UGGT2: variants seen among roughly 807,000 people sequenced by gnomAD.
UGGT2 encodes UDP-glucose:glycoprotein glucosyltransferase 2.
In UGGT2, 180 loss-of-function variants were observed where a neutral mutation model predicts 192.1. The ratio of observed to expected loss-of-function variants is 0.94; its 90% CI spans 0.83 to 1.06. UGGT2 has a LOEUF of 1.06. UGGT2 is among the 50% of genes least tolerant of loss of function. The pLI is 0.00. For missense variants in UGGT2, 1,849 were observed against 1,795.7 expected (o/e 1.03, Z -0.54); for synonymous variants, 580 against 591.0 (o/e 0.98, Z 0.27).
Position 95,900,836 on chromosome 13 carries a change from C to T in UGGT2, c.2605G>A (p.Gly869Arg), listed in dbSNP as rs1017556601. 11 of 1,611,336 alleles carry T rather than the reference C, an allele frequency of 6.8e-6. No individual in the cohort carries two copies. Among genetic ancestry groups the T allele is most frequent in the South Asian group, 1.1e-5 (1 of 90,746 alleles). The change falls in exon 22 of 39, where the codon GGA becomes AGA. Residue 869 changes from glycine to arginine, a missense_variant. Gly to Arg is a moderately radical substitution (Grantham distance 125). Transcript: ENST00000376747. ...CCATTGCTGACAATACCCATTTCTC[C>T]AGGACGTAATTTAAGTACATCTTGA... Reference protein sequence around the residue: ...FCQDVLKLRPGEMGIVSNGRF... With the variant: ...FCQDVLKLRPREMGIVSNGRF...
intron 20 of UGGT2, among the ~76,000 whole-genome samples, chr13:95,909,795 C>G (rs1375392148): frequency 1.9e-5 from 2 of 104,140 alleles, no homozygotes; most frequent in African/African-American, 7.3e-5. Context: ...AGATTCCTGC[C>G]CACTAAAAAA....
chr13:95,890,737 AAT>A, intron 25 of UGGT2, 123 bp downstream of exon 25: 2 of 743,792 alleles, frequency 2.7e-6, no homozygotes, highest in South Asian at 1.7e-5. Context: ...TCTACATTGA[AAT>A]ATGACACTCT....
intron 4 of UGGT2, among the ~76,000 whole-genome samples, chr13:96,022,749 TA>T (rs2052552498): frequency 6.6e-6 from 1 of 151,966 alleles, no homozygotes; most frequent in African/African-American, 2.4e-5. Flanking sequence ...AGTTTATATT[TA>T]AAGAGCTATA....
At chr13:95,982,647 AAGAG>A (rs905286887) in intron 10 of UGGT2, among the ~76,000 whole-genome samples, 29 of 151,720 alleles carry the variant, frequency 1.9e-4, no homozygotes, top group African/African-American at 6.1e-4. Context: ...TCTCTCTCAT[AAGAG>A]AGAGAGAGCT....
chr13:95,951,268 G>C (rs1297966094), intron 12 of UGGT2, among the ~76,000 whole-genome samples: 1 of 152,128 alleles, frequency 6.6e-6, no homozygotes, highest in Non-Finnish European at 1.5e-5. Context: ...GAATTCAAAA[G>C]TATAATAATT....
chr13:95,866,925 T>G (rs1890718611), intron 30 of UGGT2, among the ~76,000 whole-genome samples: 1 of 152,084 alleles, frequency 6.6e-6, no homozygotes, highest in Non-Finnish European at 1.5e-5. Flanking sequence ...TATCTAATAT[T>G]TTCACTAGTT....
At chr13:95,919,332 A>G (rs1355485765) in intron 20 of UGGT2, among the ~76,000 whole-genome samples, 1 of 152,054 alleles carries the variant, frequency 6.6e-6, no homozygotes, top group Non-Finnish European at 1.5e-5. Flanking sequence ...CTCTCTCACC[A>G]CTCCTATTCA....
At chr13:95,812,166 G>C (rs533418306) in intron 38 of UGGT2, among the ~76,000 whole-genome samples, 4 of 152,160 alleles carry the variant, frequency 2.6e-5, no homozygotes, top group South Asian at 2.1e-4. Context: ...GATAATACAT[G>C]AATGAATGAG....
intron 1 of UGGT2, among the ~76,000 whole-genome samples, chr13:96,039,938 T>C (rs749580719): frequency 1.3e-5 from 2 of 152,250 alleles, no homozygotes; most frequent in Non-Finnish European, 2.9e-5. Context: ...ATAAGTATTC[T>C]CTATGATGAC....
At chr13:95,915,113 G>A (rs960370905) in intron 20 of UGGT2, among the ~76,000 whole-genome samples, 1 of 152,044 alleles carries the variant, frequency 6.6e-6, no homozygotes, top group Non-Finnish European at 1.5e-5. Flanking sequence ...CTTACATAAA[G>A]TATGTTCTTG....
chr13:95,921,809 G>T (rs1326354726), intron 20 of UGGT2, among the ~76,000 whole-genome samples: 1 of 152,088 alleles, frequency 6.6e-6, no homozygotes, highest in Non-Finnish European at 1.5e-5. Context: ...AGAGAAAAAG[G>T]GAATGCCTAA....
At chr13:95,843,623 G>A (rs1349114082) in intron 36 of UGGT2, among the ~76,000 whole-genome samples, 2 of 151,696 alleles carry the variant, frequency 1.3e-5, no homozygotes, top group Non-Finnish European at 2.9e-5. Context: ...TGATGTGTTT[G>A]GAATTAATTT....
chr13:95,961,036 GGAGT>G (rs2050375575), intron 12 of UGGT2, among the ~76,000 whole-genome samples: 2 of 152,094 alleles, frequency 1.3e-5, no homozygotes, highest in South Asian at 4.1e-4. Context: ...AATGCTTAAG[GGAGT>G]CCTATACCCA....
At chr13:95,964,087 C>T (rs1447763844) in intron 12 of UGGT2, among the ~76,000 whole-genome samples, 3 of 152,014 alleles carry the variant, frequency 2.0e-5, no homozygotes, top group Non-Finnish European at 2.9e-5. Context: ...GTTACAGTAA[C>T]CAAAACAGCA....
At chr13:96,028,813 T>C (rs1171234580) in intron 2 of UGGT2, among the ~76,000 whole-genome samples, 1 of 152,190 alleles carries the variant, frequency 6.6e-6, no homozygotes. Flanking sequence ...GATTATTAAA[T>C]GTTTCCTCTA....
intron 38 of UGGT2, among the ~76,000 whole-genome samples, chr13:95,829,254 T>G (rs1035950887): frequency 2.6e-5 from 4 of 152,278 alleles, no homozygotes; most frequent in Middle Eastern, 3.4e-3. Context: ...CTTTGAAAAC[T>G]GGCACAAGAC....
At chr13:95,878,958 C>G (rs1401140423) in intron 27 of UGGT2, among the ~76,000 whole-genome samples, 3 of 152,122 alleles carry the variant, frequency 2.0e-5, no homozygotes, top group Admixed American at 2.0e-4. Flanking sequence ...AATTACTATT[C>G]TAGCGATAAA....
chr13:96,039,275 C>G (rs574993846), intron 1 of UGGT2, among the ~76,000 whole-genome samples: 1 of 152,318 alleles, frequency 6.6e-6, no homozygotes, highest in East Asian at 1.9e-4. Flanking sequence ...GGAAGTCCAA[C>G]AGCCTTCTTT....
chr13:95,858,294 A>G (rs1889816402), intron 33 of UGGT2, among the ~76,000 whole-genome samples: 1 of 151,880 alleles, frequency 6.6e-6, no homozygotes, highest in Non-Finnish European at 1.5e-5. Flanking sequence ...ACTAATAAGA[A>G]TGTCTACGTT....
Sources: gnomAD v4.1 joint callset for allele counts (sites outside exome capture counted in the v4.1 genomes callset) on GRCh38, gnomAD v4.1.1 for gene constraint, MANE v1.5 for transcripts, NCBI Gene and HGNC (gene_info 2026-07-23, HGNC 2026-07-21) for gene names.